The following PROSER1 variants were observed in gnomAD, a reference collection of about 807,000 sequenced individuals.
PROSER1 encodes the protein proline and serine rich 1.
PROSER1 carries 36 observed loss-of-function variants against 71.8 expected under a neutral mutation model. The ratio of observed to expected loss-of-function variants is 0.50; its 90% confidence interval spans 0.38 to 0.66. The LOEUF is 0.66. PROSER1 is among the 30% of genes least tolerant of loss of function. The pLI, the probability that PROSER1 is intolerant of heterozygous loss-of-function variation, is 0.00. For synonymous variants in PROSER1, 490 were observed against 452.4 expected (o/e 1.08, Z -1.06); for missense variants, 1,107 against 1,135.0 (o/e 0.98, Z 0.35).
intron 5 of PROSER1, chr13:39,026,595 A>G (rs1342945897): frequency 2.2e-6 from 1 of 457,464 alleles, no homozygotes. Flanking sequence ...GGTTAACATA[A>G]TAATGCTGCA....
intron 3 of PROSER1, among the ~76,000 whole-genome samples, chr13:39,031,013 C>T (rs984523320): frequency 6.6e-6 from 1 of 152,106 alleles, no homozygotes; most frequent in Non-Finnish European, 1.5e-5. Flanking sequence ...AATCTTCCTA[C>T]ACAGCCAGAT....
At chr13:39,028,779 G>A (rs1412039917) in intron 4 of PROSER1, among the ~76,000 whole-genome samples, 1 of 152,056 alleles carries the variant, frequency 6.6e-6, no homozygotes, top group Non-Finnish European at 1.5e-5. Context: ...GTTATGCAAA[G>A]GAGTAGGTTC....
chr13:39,023,251 G>T, intron 7 of PROSER1, 121 bp from the exon 8 acceptor site: 1 of 643,004 alleles, frequency 1.6e-6, no homozygotes, highest in Non-Finnish European at 2.8e-6. Flanking sequence ...TCATACTACT[G>T]GACTACATGG....
Position 39,011,409 on chromosome 13 carries a change from G to A in PROSER1, c.2791C>T (p.Pro931Ser). 2 of 1,614,148 alleles carry A rather than the reference G, an allele frequency of 1.2e-6. No homozygotes were observed. Among genetic ancestry groups the A allele is most frequent in the East Asian group, 2.2e-5 (1 of 44,880 alleles). Residue 931 changes from proline to serine, a missense_variant, in exon 13 of 13, where the codon CCA becomes TCA. By Grantham distance (74) the Pro-to-Ser change is moderately conservative. Transcript: ENST00000352251. ...GACAGGCTTGGTTGCAAAGAAAATGGTGTTCCTGGCGCTGAAGGATAACTA... is the reference window on the plus strand; with the variant it reads ...GACAGGCTTGGTTGCAAAGAAAATGATGTTCCTGGCGCTGAAGGATAACTA... ...FPSYPSAPGT[P>S]FSLQPSLSQS... is the part of the protein sequence containing the mutation.
At position 39,013,751 on chromosome 13, in the gene PROSER1, A is replaced by G; in HGVS notation, c.1501T>C (p.Ser501Pro). ...SAVTSGLASL[S>P]SLTLQNSDSS... ...TCAGAGTTCTGAAGAGTAAGAGAAG[A>G]TAGTGAAGCCAGCCCACTTGTGACA... Residue 501 changes from serine (S) to proline (P), a missense_variant, in exon 11 of 13, where the codon TCT (serine) becomes CCT (proline). By Grantham distance (74) the Ser-to-Pro change is moderately conservative. Transcript: ENST00000352251. 2 of 1,614,202 alleles carry G rather than the reference A, an allele frequency of 1.2e-6. No individual in the cohort carries two copies. The highest frequency in any genetic ancestry group is 1.7e-6 in the Non-Finnish European group (2 of 1,180,016).
intron 6 of PROSER1, among the ~76,000 whole-genome samples, 172 bp downstream of exon 6, chr13:39,026,105 T>C (rs1469033978): frequency 6.6e-6 from 1 of 152,234 alleles, no homozygotes; most frequent in Non-Finnish European, 1.5e-5. Flanking sequence ...ATAGATTTTA[T>C]ATAGATACCC....
At chr13:39,017,422 T>C (rs1593529661) in intron 10 of PROSER1, 78 bp downstream of exon 10, 6 of 869,612 alleles carry the variant, frequency 6.9e-6, no homozygotes, top group East Asian at 2.6e-5. Flanking sequence ...ATTCCAAATA[T>C]ACTCAAATTA....
At position 39,011,421 on chromosome 13, in the gene PROSER1, C is replaced by T; in HGVS notation, c.2779G>A (p.Ala927Thr). 1 of 1,614,104 alleles carries T rather than the reference C, an allele frequency of 6.2e-7. No homozygotes were observed. The highest frequency in any genetic ancestry group is 8.5e-7 in the Non-Finnish European group (1 of 1,179,978). ...QPDGFPSYPS[A>T]PGTPFSLQPS... ...TGCAAAGAAAATGGTGTTCCTGGCG[C>T]TGAAGGATAACTAGGAAACCCATCA... Residue 927 changes from alanine (A) to threonine (T), a missense_variant, in exon 13 of 13, where the codon GCG becomes ACG. Physicochemically the swap from Ala to Thr is moderately conservative, Grantham distance 58. Coordinates refer to ENST00000352251, the MANE Select transcript of PROSER1 (RefSeq NM_025138.5).
intron 1 of PROSER1, among the ~76,000 whole-genome samples, chr13:39,036,467 T>C (rs546460624): frequency 2.0e-5 from 3 of 152,202 alleles, no homozygotes; most frequent in Non-Finnish European, 1.5e-5. Flanking sequence ...AAGCACCGTG[T>C]GTTGATGTAA....
chr13:39,016,795 A>C (rs1422822229), intron 10 of PROSER1, among the ~76,000 whole-genome samples: 1 of 152,214 alleles, frequency 6.6e-6, no homozygotes, highest in Non-Finnish European at 1.5e-5. Context: ...CCAGCTGAGA[A>C]GCACCTGCTA....
intron 2 of PROSER1, among the ~76,000 whole-genome samples, chr13:39,032,922 ATTTTT>A (rs11405662): frequency 6.9e-6 from 1 of 145,094 alleles, no homozygotes; most frequent in Admixed American, 6.8e-5. Context: ...AAAACATTTA[ATTTTT>A]TTTTTTTTTT....
chr13:39,036,418 G>A (rs1871106054), intron 1 of PROSER1, among the ~76,000 whole-genome samples: 1 of 152,168 alleles, frequency 6.6e-6, no homozygotes, highest in African/African-American at 2.4e-5. Flanking sequence ...GTAAAGGTAT[G>A]CAGCTGACGA....
At chr13:39,027,006 T>G (rs1289337126) in intron 5 of PROSER1, among the ~76,000 whole-genome samples, 1 of 152,168 alleles carries the variant, frequency 6.6e-6, no homozygotes, top group East Asian at 1.9e-4. Flanking sequence ...TCAATACATA[T>G]TAATAAATGA....
At position 39,032,580 on chromosome 13, in the gene PROSER1, TA is replaced by T. The variant is rs1870898416; in HGVS notation, c.112-950del. The stretch of plus-strand genomic sequence containing the variant: ...GAGTGGTATGTAAAGAGAGTAAAAA[TA>T]ATTTTTACTCCTTATAAAGAGATAT... On this transcript the variant is annotated intron_variant, in intron 2 of 12. Coordinates refer to ENST00000352251, the MANE Select transcript of PROSER1 (RefSeq NM_025138.5). 3.0e-4 allele frequency among the ~76,000 whole-genome samples: 45 copies of T among 152,280 alleles called. 1 individual carries two copies. The highest frequency in any genetic ancestry group is 2.9e-3 in the Admixed American group (45 of 15,296).
rs1869735615 is a variant in PROSER1, at chr13:39,012,801, A to T, written c.2451T>A (p.Ala817=). ...TGGCAGCCACAGGTAGTGGTGTGAC[A>T]GCTGCGACTGTAGAGGGCGCCTGCA... ...PGLQAPSTVA[A]VTPLPVAATA... Residue 817 remains alanine, a synonymous_variant, in exon 11 of 13, where the codon GCT becomes GCA. Transcript: ENST00000352251. 1 of 1,614,220 alleles carries T rather than the reference A, an allele frequency of 6.2e-7. No homozygotes were observed. The highest frequency in any genetic ancestry group is 8.5e-7 in the Non-Finnish European group (1 of 1,180,036).
In PROSER1 at chr13:39,012,772, G is replaced by A; in HGVS notation, c.2480C>T (p.Ala827Val). The A allele has an allele frequency of 6.2e-7, 1 of 1,614,116 alleles. No individual in the cohort carries two copies. The highest frequency in any genetic ancestry group is 8.5e-7 in the Non-Finnish European group (1 of 1,179,990). Reference protein sequence around the residue: ...AVTPLPVAATAPSPAPVLPGF... With the variant: ...AVTPLPVAATVPSPAPVLPGF... ...TGGGAGGACTGGAGCTGGGGATGGGGCTGTGGCAGCCACAGGTAGTGGTGT... is the reference window on the plus strand; with the variant it reads ...TGGGAGGACTGGAGCTGGGGATGGGACTGTGGCAGCCACAGGTAGTGGTGT... The change falls in exon 11 of 13, where the codon GCC becomes GTC. Residue 827 changes from alanine (A) to valine (V), a missense_variant. Transcript: ENST00000352251.
Position 39,037,533 on chromosome 13 carries a change from T to C in PROSER1, c.-291A>G, listed in dbSNP as rs551194255. 5 of 302,352 alleles carry C rather than the reference T, an allele frequency of 1.7e-5. No homozygotes were observed. In the South Asian group the frequency reaches 3.5e-4, roughly 21 times the overall value. 18.7% of individuals were successfully genotyped at this position (302,352 alleles called of 1,614,324 possible). A position where few individuals can be genotyped will look rare whatever the true frequency, so the allele number is the denominator to read the frequency against. ...CACCTCGGGCAAGAGCCAGGTCCTC[T>C]GAGTTTTGCAGAAAAACCCGGGCTC... On this transcript the variant is annotated 5_prime_UTR_variant, in exon 1 of 13. Transcript: ENST00000352251.
intron 9 of PROSER1, 94 bp downstream of exon 9, chr13:39,022,232 C>T: frequency 1.2e-6 from 1 of 843,052 alleles, no homozygotes; most frequent in Admixed American, 1.8e-5. Flanking sequence ...CTTGTGTTCC[C>T]TCTGTTAGAA....
At chr13:39,012,016 A>C (rs1869682946) in intron 12 of PROSER1, 67 bp downstream of exon 12, 12 of 1,465,772 alleles carry the variant, frequency 8.2e-6, no homozygotes, top group Non-Finnish European at 1.1e-5. Context: ...ATGATACTGC[A>C]ATGTTATCAC....
Sources: gnomAD v4.1 joint callset for allele counts (sites outside exome capture counted in the v4.1 genomes callset) on GRCh38, gnomAD v4.1.1 for gene constraint, MANE v1.5 for transcripts, NCBI Gene and HGNC (gene_info 2026-07-23, HGNC 2026-07-21) for gene names.